The following RALYL variants were observed in gnomAD, a reference collection of about 807,000 sequenced individuals.
RALYL encodes the protein RALY RNA binding protein like.
A neutral mutation model predicts 35.1 loss-of-function variants in RALYL; 29 were observed. That is an observed-to-expected ratio of 0.83 (90% CI 0.61 to 1.13). The LOEUF is 1.13. Ranked by LOEUF, RALYL falls within the 50% of genes most tolerant of loss-of-function variation. The probability of loss-of-function intolerance (pLI) is 0.00; values close to 1 mark genes in which losing one functional copy is unlikely to be tolerated. For missense variants in RALYL, 359 were observed against 360.4 expected (o/e 1.00, Z 0.03); for synonymous variants, 120 against 127.6 (o/e 0.94, Z 0.40).
intron 1 of RALYL, among the ~76,000 whole-genome samples, chr8:84,492,639 T>G (rs1459284999): frequency 1.3e-5 from 2 of 152,136 alleles, no homozygotes; most frequent in Non-Finnish European, 2.9e-5. Flanking sequence ...ACCTTTCAAA[T>G]GCAACTATCT....
chr8:84,731,555 T>C (rs547553534), intron 2 of RALYL, among the ~76,000 whole-genome samples: 1 of 152,238 alleles, frequency 6.6e-6, no homozygotes, highest in African/African-American at 2.4e-5. Flanking sequence ...CTATAATCCA[T>C]CCAATTCTCT....
At chr8:84,535,822 G>A (rs1272528079) in intron 2 of RALYL, among the ~76,000 whole-genome samples, 1 of 151,740 alleles carries the variant, frequency 6.6e-6, no homozygotes, top group Non-Finnish European at 1.5e-5. Context: ...CTTCCAAATA[G>A]TGACAGCCAA....
chr8:84,406,292 T>G (rs796579033), intron 1 of RALYL, among the ~76,000 whole-genome samples: 3 of 152,224 alleles, frequency 2.0e-5, no homozygotes, highest in African/African-American at 7.2e-5. Flanking sequence ...TATGTATGCA[T>G]ATCTAAGTGC....
At chr8:84,497,630 G>GTTTTTTT (rs1181968193) in intron 1 of RALYL, among the ~76,000 whole-genome samples, 3 of 119,150 alleles carry the variant, frequency 2.5e-5, no homozygotes, top group African/African-American at 9.6e-5. Flanking sequence ...TTTTTTTGTT[G>GTTTTTTT]TTTTTGTTTT....
chr8:84,463,786 A>AAAT (rs2051117459), intron 1 of RALYL, among the ~76,000 whole-genome samples: 2 of 152,208 alleles, frequency 1.3e-5, no homozygotes, highest in South Asian at 4.1e-4. Flanking sequence ...ACCTTAAAAA[A>AAAT]TCACCCTTTT....
chr8:84,532,965 A>G (rs138134854), intron 2 of RALYL, among the ~76,000 whole-genome samples: 5 of 152,072 alleles, frequency 3.3e-5, no homozygotes, highest in African/African-American at 1.2e-4. Flanking sequence ...TATATAATAG[A>G]AGACTGCTAA....
intron 2 of RALYL, among the ~76,000 whole-genome samples, chr8:84,760,692 C>T (rs1004240404): frequency 3.9e-5 from 6 of 152,000 alleles, no homozygotes; most frequent in African/African-American, 1.4e-4. Context: ...TAAAGAATTT[C>T]AGTTATTAAA....
intron 2 of RALYL, among the ~76,000 whole-genome samples, chr8:84,750,776 C>T (rs566228027): frequency 7.4e-4 from 112 of 152,244 alleles, no homozygotes; most frequent in African/African-American, 2.6e-3. Context: ...CCTGTACCAC[C>T]TCAAGACTGT....
At chr8:84,726,223 AT>A (rs1844920137) in intron 2 of RALYL, among the ~76,000 whole-genome samples, 1 of 147,196 alleles carries the variant, frequency 6.8e-6, no homozygotes, top group East Asian at 2.0e-4. Flanking sequence ...GTATAATTTT[AT>A]TTTTATATAT....
chr8:84,529,592 G>C lies in RALYL; in HGVS notation c.256+15G>C. The C allele has an allele frequency of 6.3e-7, 1 of 1,598,616 alleles. No individual in the cohort carries two copies. Among genetic ancestry groups the C allele is most frequent in the Non-Finnish European group, 8.6e-7 (1 of 1,168,342 alleles). On this transcript the variant is annotated intron_variant, in intron 2 of 8. Transcript: ENST00000521268. ...CCAACCACTTGGTAAGTCATGCTCA[G>C]ACATGGATCTCACGTTATTGTTCAT...
chr8:84,611,088 T>A (rs756841046), intron 2 of RALYL, among the ~76,000 whole-genome samples: 3 of 152,144 alleles, frequency 2.0e-5, no homozygotes, highest in Non-Finnish European at 4.4e-5. Context: ...CTTTAGGCAT[T>A]TGGATTTTAA....
At chr8:84,507,833 A>C (rs1476307245) in intron 1 of RALYL, among the ~76,000 whole-genome samples, 1 of 152,158 alleles carries the variant, frequency 6.6e-6, no homozygotes, top group Non-Finnish European at 1.5e-5. Context: ...AGGACAGTAC[A>C]TTTCACAATT....
intron 4 of RALYL, among the ~76,000 whole-genome samples, chr8:84,806,459 C>T (rs111652921): frequency 6.6e-5 from 10 of 151,234 alleles, no homozygotes; most frequent in Non-Finnish European, 1.5e-5. Context: ...GATGGAATTC[C>T]TTTTTTATTG....
intron 8 of RALYL, among the ~76,000 whole-genome samples, chr8:84,903,614 A>G (rs1846045624): frequency 1.3e-5 from 2 of 152,190 alleles, no homozygotes; most frequent in South Asian, 4.1e-4. Flanking sequence ...GTAAGATGCT[A>G]CATACTAATA....
chr8:84,524,552 A>T (rs1454949809), intron 1 of RALYL, among the ~76,000 whole-genome samples: 1 of 152,184 alleles, frequency 6.6e-6, no homozygotes, highest in Non-Finnish European at 1.5e-5. Context: ...TTAGATGGAA[A>T]TTCAAGACCA....
intron 2 of RALYL, among the ~76,000 whole-genome samples, chr8:84,596,530 T>C (rs1040699416): frequency 5.3e-5 from 8 of 152,268 alleles, no homozygotes; most frequent in South Asian, 4.1e-4. Flanking sequence ...GCCAAGAAAT[T>C]CTAATTTAAG....
At chr8:84,645,139 A>G (rs1827216805) in intron 2 of RALYL, among the ~76,000 whole-genome samples, 1 of 151,964 alleles carries the variant, frequency 6.6e-6, no homozygotes, top group Admixed American at 6.6e-5. Flanking sequence ...AATACATCCT[A>G]ATCACATTTA....
At chr8:84,188,950 AT>A (rs1309722878) in intron 1 of RALYL, among the ~76,000 whole-genome samples, 1 of 152,094 alleles carries the variant, frequency 6.6e-6, no homozygotes, top group Non-Finnish European at 1.5e-5. Flanking sequence ...TTATCCTGCT[AT>A]TTTTCTGGGA....
chr8:84,556,014 A>G (rs1383266233), intron 2 of RALYL, among the ~76,000 whole-genome samples: 1 of 152,206 alleles, frequency 6.6e-6, no homozygotes, highest in Non-Finnish European at 1.5e-5. Context: ...TTGCCTCTAC[A>G]GCATGTCTGT....
Sources: allele counts gnomAD v4.1 joint callset (sites outside exome capture counted in the v4.1 genomes callset), GRCh38; gene constraint gnomAD v4.1.1; transcripts MANE v1.5; gene names NCBI Gene and HGNC (gene_info 2026-07-23, HGNC 2026-07-21).